The following COL9A3 variants were observed in gnomAD, a reference collection of about 807,000 sequenced individuals.
COL9A3 encodes the protein collagen alpha-3(IX) chain.
In COL9A3, 82 loss-of-function variants were observed where a neutral mutation model predicts 110.2. The observed-to-expected ratio is 0.74, with a 90% CI of 0.62 to 0.89. The LOEUF (loss-of-function observed/expected upper bound fraction) is 0.89, where lower values mean the gene tolerates loss of function less well. Ranked by LOEUF, COL9A3 falls within the 40% of genes least tolerant of loss-of-function variation. COL9A3 has a pLI of 0.00. For missense variants in COL9A3, 1,066 were observed against 981.3 expected, an observed-to-expected ratio of 1.09 and a Z score of -1.15; for synonymous variants, 494 against 403.8, an observed-to-expected ratio of 1.22 and a Z score of -2.68.
intron 9 of COL9A3, 34 bp from the exon 10 acceptor site, chr20:62,822,557 G>A (rs2063520332): frequency 6.2e-7 from 1 of 1,610,928 alleles, no homozygotes; most frequent in African/African-American, 1.3e-5. Context: ...GCTGGGGAGG[G>A]CGGGAGAATG....
rs747432636 is a variant in COL9A3, at chr20:62,817,606, C to T, written c.118C>T (p.Pro40Ser). Residue 40 changes from proline (P) to serine (S), a missense_variant, in exon 2 of 32, where the codon CCC becomes TCC. Coordinates refer to ENST00000649368, the MANE Select transcript of COL9A3 (RefSeq NM_001853.4). ...CGGCCCCCCCGGCCCCCCAGGGCCG[C>T]CCGGGAAGCCCGGCCAGGACGGCAT... ...LPGPPGPPGP[P>S]GKPGQDGIDG... 6 of 1,547,124 alleles carry T rather than the reference C, an allele frequency of 3.9e-6. No homozygotes were observed. Among genetic ancestry groups the T allele is most frequent in the Non-Finnish European group, 5.2e-6 (6 of 1,145,476 alleles).
intron 27 of COL9A3, 80 bp from the exon 28 acceptor site, chr20:62,836,102 TCCGTG>T: frequency 6.2e-7 from 1 of 1,604,098 alleles, no homozygotes; most frequent in Admixed American, 1.7e-5. Context: ...GCAAGACGGC[TCCGTG>T]CCGGCTGGGA....
intron 26 of COL9A3, among the ~76,000 whole-genome samples, chr20:62,833,687 G>C (rs1175340421): frequency 6.6e-6 from 1 of 151,716 alleles, no homozygotes; most frequent in Non-Finnish European, 1.5e-5. Context: ...ACAGGCATGA[G>C]CCACCGCGCC....
intron 30 of COL9A3, 142 bp from the exon 31 acceptor site, chr20:62,838,542 G>T (rs11906954): frequency 3.0e-5 from 24 of 811,272 alleles, no homozygotes; most frequent in Admixed American, 2.2e-4. Context: ...AGCCCTACGC[G>T]TGTGACATCT....
intron 24 of COL9A3, chr20:62,830,999 G>A (rs2063593209): frequency 6.5e-6 from 1 of 154,124 alleles, no homozygotes. Context: ...CTCCTGCCCT[G>A]CGTAGACGCC....
At chr20:62,816,865 G>A (rs1206584777), upstream of COL9A3, among the ~76,000 whole-genome samples, 1 of 151,238 alleles carries the variant, frequency 6.6e-6, no homozygotes, top group East Asian at 2.0e-4. Context: ...CCGCCCGCCC[G>A]GCGTCTTTTT....
intron 4 of COL9A3, 97 bp from the exon 5 acceptor site, chr20:62,819,832 G>C (rs1991060060): frequency 1.5e-6 from 2 of 1,363,602 alleles, no homozygotes; most frequent in Non-Finnish European, 2.1e-6. Flanking sequence ...TGCCTCTCTG[G>C]ACTCACCAAG....
Position 62,825,936 on chromosome 20 carries a change from A to G in COL9A3, c.684+66A>G. 2.0e-6 allele frequency: 3 copies of G among 1,500,390 alleles called. No individual in the cohort carries two copies. In the South Asian group the frequency reaches 3.6e-5, roughly 18 times the overall value. The allele number at this position is 1,500,390 out of a possible 1,614,324, so 92.9% of individuals were successfully genotyped here. A position where few individuals can be genotyped will look rare whatever the true frequency, so the allele number is the denominator to read the frequency against. ...AGCCCACAGAGTGATCAAGCCCTGC[A>G]CATATCTACCCCCGAGGGGGCCAGC... is the stretch of plus-strand genomic sequence containing the variant. On this transcript the variant is annotated intron_variant, in intron 13 of 31. Transcript: ENST00000649368.
At position 62,825,000 on chromosome 20, in the gene COL9A3, A is replaced by G. The variant is rs772906590; in HGVS notation, c.609A>G (p.Glu203=). The G allele has an allele frequency of 1.9e-6, 3 of 1,606,210 alleles. No individual in the cohort carries two copies. Among genetic ancestry groups the G allele is most frequent in the Non-Finnish European group, 2.5e-6 (3 of 1,176,746 alleles). ...GPTGYKGEQG[E]VGKDGEKGDP... The stretch of plus-strand genomic sequence containing the variant: ...CTGGCTACAAAGGCGAGCAGGGGGA[A>G]GTCGGCAAGGACGGCGAGAAGGTGA... Residue 203 remains glutamate, a synonymous_variant, in exon 12 of 32, where the codon GAA becomes GAG. Coordinates refer to ENST00000649368, the MANE Select transcript of COL9A3 (RefSeq NM_001853.4).
chr20:62,834,023 G>A (rs973019001), intron 26 of COL9A3, among the ~76,000 whole-genome samples: 10 of 152,232 alleles, frequency 6.6e-5, no homozygotes, highest in Admixed American at 3.9e-4. Context: ...ACAGGCGCCT[G>A]CCACCACGCC....
chr20:62,827,127 C>A, intron 15 of COL9A3, 114 bp from the exon 16 acceptor site: 1 of 1,074,200 alleles, frequency 9.3e-7, no homozygotes, highest in Non-Finnish European at 1.4e-6. Flanking sequence ...CCATCCCACT[C>A]TCTGACCACT....
At position 62,836,326 on chromosome 20, in the gene COL9A3, G is replaced by A; in HGVS notation, c.1541G>A (p.Gly514Glu). The change falls in exon 28 of 32, where the codon GGA (glycine) becomes GAA (glutamate). Residue 514 changes from glycine to glutamate, a missense_variant. Transcript: ENST00000649368. ...GTTCCTGGCATCACGGGGAAGCCGG[G>A]AGTTCCGGTACGTCGCTTTTCCGGC... ...PGVPGITGKP[G>E]VPGKEASEQR... 6.2e-7 allele frequency: 1 copy of A among 1,613,790 alleles called. No individual in the cohort carries two copies. Among genetic ancestry groups the A allele is most frequent in the African/African-American group, 1.3e-5 (1 of 75,076 alleles).
chr20:62,836,366 C>T lies in COL9A3; in HGVS notation c.1548+33C>T, dbSNP rs753413318. 31 of 1,613,848 alleles carry T rather than the reference C, an allele frequency of 1.9e-5. 1 individual carries two copies. The highest frequency in any genetic ancestry group is 3.3e-4 in the Middle Eastern group (2 of 6,084). ...GCTTTTCCGGCTTTTCCAGCTTTCA[C>T]AGGGTTGAGATCGTGTTTTTTCCGG... On this transcript the variant is annotated intron_variant, in intron 28 of 31. Coordinates refer to ENST00000649368, the MANE Select transcript of COL9A3 (RefSeq NM_001853.4).
chr20:62,826,713 G>A lies in COL9A3; in HGVS notation c.739-54G>A. The stretch of plus-strand genomic sequence containing the variant: ...GCCGCCCCTGAGGGAGCACTGGGGG[G>A]ATGCCAGCCAGGCCTCAGACAAGAG... On this transcript the variant is annotated intron_variant, in intron 14 of 31. Transcript: ENST00000649368. The A allele has an allele frequency of 8.8e-6, 14 of 1,599,034 alleles. No individual in the cohort carries two copies. The South Asian group carries it at 1.4e-4, about 16-fold the overall frequency.
intron 30 of COL9A3, 34 bp from the exon 31 acceptor site, chr20:62,838,650 C>CT: frequency 6.5e-7 from 1 of 1,538,680 alleles, no homozygotes; most frequent in Non-Finnish European, 8.8e-7. Flanking sequence ...AACAGATACT[C>CT]TAACCATATG....
chr20:62,836,950 A>T, intron 29 of COL9A3, 133 bp from the exon 30 acceptor site: 1 of 1,205,346 alleles, frequency 8.3e-7, no homozygotes, highest in Non-Finnish European at 1.2e-6. Context: ...CAAAGCAGTT[A>T]AACCATTTTC....
In COL9A3 at chr20:62,833,460, G is replaced by C. The variant is rs189614199; in HGVS notation, c.1368+396G>C. ...ACTCTGTCACCCAGGCTGGAGTGCA[G>C]TGGCGCGATCTCGGCTCGCTGCAAG... On this transcript the variant is annotated intron_variant, in intron 26 of 31. Coordinates refer to ENST00000649368, the MANE Select transcript of COL9A3 (RefSeq NM_001853.4). 1.2e-3 allele frequency among the ~76,000 whole-genome samples: 190 copies of C among 152,356 alleles called. 2 individuals are homozygous for C. The East Asian group carries it at 0.033, about 26-fold the overall frequency.
At chr20:62,831,987 C>T (rs1240877756) in intron 24 of COL9A3, 167 bp from the exon 25 acceptor site, 3 of 738,990 alleles carry the variant, frequency 4.1e-6, no homozygotes, top group East Asian at 2.7e-5. Flanking sequence ...AGGCTGTGAA[C>T]GTGAGCTTGG....
At chr20:62,819,881 A>C in intron 4 of COL9A3, 48 bp from the exon 5 acceptor site, 1 of 1,609,478 alleles carries the variant, frequency 6.2e-7, no homozygotes, top group Non-Finnish European at 8.5e-7. Flanking sequence ...GGGGGGTGGC[A>C]TGTGCTTCCC....
Sources: allele counts gnomAD v4.1 joint callset (sites outside exome capture counted in the v4.1 genomes callset), GRCh38; gene constraint gnomAD v4.1.1; transcripts MANE v1.5; gene names NCBI Gene and HGNC (gene_info 2026-07-23, HGNC 2026-07-21).